PLEKHA7: variants seen among roughly 807,000 people sequenced by gnomAD.
PLEKHA7 encodes the protein pleckstrin homology domain containing A7.
In PLEKHA7, 104 loss-of-function variants were observed where a neutral mutation model predicts 170.0. That is an observed-to-expected ratio of 0.61 (90% confidence interval 0.52 to 0.72). PLEKHA7 has a LOEUF of 0.72. Ranked by LOEUF, PLEKHA7 falls within the 30% of genes least tolerant of loss-of-function variation. The pLI is 0.00. For synonymous variants in PLEKHA7, 648 were observed against 660.8 expected (o/e 0.98, Z 0.30); for missense variants, 1,615 against 1,671.7 (o/e 0.97, Z 0.59).
At chr11:16,909,196 T>C (rs1246692274) in intron 3 of PLEKHA7, among the ~76,000 whole-genome samples, 1 of 152,174 alleles carries the variant, frequency 6.6e-6, no homozygotes, top group Non-Finnish European at 1.5e-5. Flanking sequence ...TAATTAATAT[T>C]AGTAGTGATA....
At chr11:16,922,754 T>A (rs576266611) in intron 3 of PLEKHA7, among the ~76,000 whole-genome samples, 2 of 152,260 alleles carry the variant, frequency 1.3e-5, no homozygotes, top group South Asian at 4.1e-4. Context: ...CAGCTGCTAC[T>A]GAGGAACTCA....
Position 16,794,697 on chromosome 11 carries a change from A to G in PLEKHA7, c.2536T>C (p.Leu846=), listed in dbSNP as rs200993000. The G allele has an allele frequency of 1.3e-4, 209 of 1,613,948 alleles. No individual in the cohort carries two copies. The highest frequency in any genetic ancestry group is 1.7e-4 in the Non-Finnish European group (199 of 1,179,962). Residue 846 remains leucine, a synonymous_variant, in exon 19 of 27, where the codon TTG becomes CTG. Coordinates refer to ENST00000531066, the MANE Select transcript of PLEKHA7 (RefSeq NM_001329630.2). ...GAAGGCACAGGCGGGTGAGGAAACA[A>G]AGGCACCGTTTTTCTCTCTAAGGGG... ...VKNPERKTVP[L]FPHPPVPSLS...
chr11:16,827,822 C>A (rs1227050214), intron 9 of PLEKHA7, among the ~76,000 whole-genome samples: 2 of 120,382 alleles, frequency 1.7e-5, no homozygotes, highest in Non-Finnish European at 3.5e-5. Context: ...TAGCTATACT[C>A]CATGGTTAAA....
At chr11:16,854,394 G>A (rs570771671) in intron 6 of PLEKHA7, among the ~76,000 whole-genome samples, 18 of 152,230 alleles carry the variant, frequency 1.2e-4, no homozygotes, top group African/African-American at 3.6e-4. Context: ...ACTAAGATCC[G>A]GAAAAAGCAG....
At chr11:16,909,137 T>C (rs1011784332) in intron 3 of PLEKHA7, among the ~76,000 whole-genome samples, 7 of 152,200 alleles carry the variant, frequency 4.6e-5, no homozygotes, top group Non-Finnish European at 8.8e-5. Flanking sequence ...ACACTTCACA[T>C]GCACTGACGT....
intron 3 of PLEKHA7, among the ~76,000 whole-genome samples, chr11:16,923,829 C>T (rs949039322): frequency 1.3e-5 from 2 of 152,204 alleles, no homozygotes; most frequent in African/African-American, 4.8e-5. Context: ...AAGACATGCT[C>T]ATCTTCCTCA....
chr11:16,923,734 C>T (rs1859276200), intron 3 of PLEKHA7, among the ~76,000 whole-genome samples: 2 of 152,088 alleles, frequency 1.3e-5, no homozygotes, highest in Non-Finnish European at 2.9e-5. Context: ...GTAAGCCCAC[C>T]CTATTCCCCA....
At chr11:16,916,309 G>T (rs1280710532) in intron 3 of PLEKHA7, among the ~76,000 whole-genome samples, 4 of 152,072 alleles carry the variant, frequency 2.6e-5, no homozygotes, top group Admixed American at 6.5e-5. Flanking sequence ...TTTGTAGGTT[G>T]CCTGTTCACT....
chr11:16,973,060 T>C (rs1862825314), intron 3 of PLEKHA7, among the ~76,000 whole-genome samples: 1 of 152,224 alleles, frequency 6.6e-6, no homozygotes. Context: ...TCTCCATTTC[T>C]GGCCCATCTG....
chr11:16,945,841 G>C (rs530682500), intron 3 of PLEKHA7, among the ~76,000 whole-genome samples: 1 of 152,190 alleles, frequency 6.6e-6, no homozygotes, highest in East Asian at 1.9e-4. Context: ...AAGTGGGCCC[G>C]CTAGGGACCT....
Position 16,826,338 on chromosome 11 carries a change from C to T in PLEKHA7, c.1125G>A (p.Met375Ile). ...GGCCTCTTGGGCCAGTGGGTAAATCCATAAACAAGGCATCCTCCTCGGCTG... is the reference window on the plus strand; with the variant it reads ...GGCCTCTTGGGCCAGTGGGTAAATCTATAAACAAGGCATCCTCCTCGGCTG... ...YSPAEEDALF[M>I]DLPTGPRGQQ... The change falls in exon 10 of 27, where the codon ATG becomes ATA. Residue 375 changes from methionine to isoleucine, a missense_variant. Coordinates refer to ENST00000531066, the MANE Select transcript of PLEKHA7 (RefSeq NM_001329630.2). The T allele has an allele frequency of 6.2e-7, 1 of 1,614,226 alleles. No individual in the cohort carries two copies. The highest frequency in any genetic ancestry group is 8.5e-7 in the Non-Finnish European group (1 of 1,180,046).
chr11:16,841,731 T>G lies in PLEKHA7; in HGVS notation c.697-9A>C. ...ATCCCCGTGTGCACAGCCTGTAGCA[T>G]GAAGGCAGAATGCAGGTCAGAGGGA... is the stretch of plus-strand genomic sequence containing the variant. On this transcript the variant is annotated splice_polypyrimidine_tract_variant and intron_variant, in intron 8 of 26. Transcript: ENST00000531066. The G allele has an allele frequency of 1.2e-6, 2 of 1,612,798 alleles. No homozygotes were observed. The highest frequency in any genetic ancestry group is 1.7e-6 in the Non-Finnish European group (2 of 1,179,314).
chr11:16,929,688 G>A (rs1488338470), intron 3 of PLEKHA7, among the ~76,000 whole-genome samples: 2 of 152,256 alleles, frequency 1.3e-5, no homozygotes, highest in Admixed American at 6.5e-5. Context: ...CCACCTCAGT[G>A]TAGGGGATTA....
intron 3 of PLEKHA7, among the ~76,000 whole-genome samples, chr11:16,903,735 T>C (rs1200242666): frequency 6.6e-6 from 1 of 152,152 alleles, no homozygotes; most frequent in Non-Finnish European, 1.5e-5. Context: ...CAGGCAGAAA[T>C]AGAGACATCT....
chr11:16,896,683 T>C (rs115741246), intron 3 of PLEKHA7, among the ~76,000 whole-genome samples: 2,366 of 152,274 alleles, frequency 0.016, 60 homozygotes, highest in African/African-American at 0.054. Flanking sequence ...CTATAAACTG[T>C]GCCATTTCCA....
At chr11:16,914,139 A>G (rs1191551633) in intron 3 of PLEKHA7, among the ~76,000 whole-genome samples, 2 of 152,222 alleles carry the variant, frequency 1.3e-5, no homozygotes, top group Non-Finnish European at 2.9e-5. Context: ...TGCATAAAGC[A>G]TATTTAAAAA....
intron 19 of PLEKHA7, among the ~76,000 whole-genome samples, chr11:16,792,464 C>T (rs941578887): frequency 1.4e-5 from 2 of 147,886 alleles, no homozygotes; most frequent in East Asian, 4.0e-4. Context: ...ATGCAAGACA[C>T]AAAATAGTAT....
intron 4 of PLEKHA7, 23 bp from the exon 5 acceptor site, chr11:16,855,937 A>T: frequency 1.3e-6 from 2 of 1,572,162 alleles, no homozygotes; most frequent in Non-Finnish European, 1.8e-6. Flanking sequence ...AGGGGATTCC[A>T]GTGAGTAAAA....
At chr11:17,003,269 A>G (rs7946425) in intron 3 of PLEKHA7, among the ~76,000 whole-genome samples, 145,321 of 152,102 alleles carry the variant, frequency 0.96, 69,819 homozygotes, top group East Asian at 1. Context: ...GGGATTACAC[A>G]TGTGAGCCAC....
Sources: gnomAD v4.1 joint callset for allele counts (sites outside exome capture counted in the v4.1 genomes callset) on GRCh38, gnomAD v4.1.1 for gene constraint, MANE v1.5 for transcripts, NCBI Gene and HGNC (gene_info 2026-07-23, HGNC 2026-07-21) for gene names.